The following PHF21B variants were observed in gnomAD, a reference collection of about 807,000 sequenced individuals.
PHF21B encodes PHD finger protein 4.
Under a neutral mutation model 62.2 loss-of-function variants are expected in PHF21B, and 22 were observed. The ratio of observed to expected loss-of-function variants is 0.35; its 90% CI spans 0.25 to 0.51. PHF21B has a LOEUF of 0.51. Among genes scored for constraint, PHF21B ranks in the 20% least tolerant of loss-of-function variants. PHF21B has a pLI of 0.97. For missense variants in PHF21B, 701 were observed against 707.9 expected (o/e 0.99, Z 0.11); for synonymous variants, 341 against 314.7 (o/e 1.08, Z -0.88).
At chr22:44,923,681 C>T (rs1413328555) in intron 2 of PHF21B, among the ~76,000 whole-genome samples, 5 of 152,050 alleles carry the variant, frequency 3.3e-5, no homozygotes, top group Non-Finnish European at 5.9e-5. Context: ...AAACAAACAA[C>T]TCATTAAAAT....
chr22:44,985,677 T>C (rs1381551243), intron 2 of PHF21B, among the ~76,000 whole-genome samples: 1 of 152,058 alleles, frequency 6.6e-6, no homozygotes, highest in African/African-American at 2.4e-5. Context: ...ATATGGGAGA[T>C]AATATTTCCT....
chr22:44,891,925 C>T (rs951507885), intron 7 of PHF21B, among the ~76,000 whole-genome samples: 2 of 151,982 alleles, frequency 1.3e-5, no homozygotes, highest in South Asian at 2.1e-4. Flanking sequence ...TGTAATACTG[C>T]GTGGCCAGAT....
chr22:44,895,967 C>T (rs548845008), intron 6 of PHF21B, 65 bp downstream of exon 6: 360 of 1,573,856 alleles, frequency 2.3e-4, no homozygotes, highest in Non-Finnish European at 2.8e-4. Flanking sequence ...TCACACCTGG[C>T]CCCCAACACC....
intron 2 of PHF21B, among the ~76,000 whole-genome samples, chr22:44,931,012 C>A (rs1036712808): frequency 6.6e-6 from 1 of 152,236 alleles, no homozygotes; most frequent in African/African-American, 2.4e-5. Flanking sequence ...AATGCTGGAA[C>A]CCTCTTCCAA....
chr22:44,940,199 G>T (rs1220551446), intron 2 of PHF21B, among the ~76,000 whole-genome samples: 1 of 152,168 alleles, frequency 6.6e-6, no homozygotes, highest in Non-Finnish European at 1.5e-5. Context: ...CCTCCTCTTG[G>T]CAAGAGGGCC....
intron 2 of PHF21B, among the ~76,000 whole-genome samples, chr22:44,958,150 A>T (rs911771599): frequency 6.6e-6 from 1 of 152,066 alleles, no homozygotes; most frequent in Non-Finnish European, 1.5e-5. Context: ...TGATCTGCCC[A>T]CCTTGGCCTC....
intron 5 of PHF21B, among the ~76,000 whole-genome samples, chr22:44,903,960 T>G (rs944213348): frequency 2.0e-5 from 3 of 152,238 alleles, no homozygotes; most frequent in Non-Finnish European, 4.4e-5. Context: ...TTATTTGGAC[T>G]TATTTCCTCT....
At position 44,884,792 on chromosome 22, in the gene PHF21B, G is replaced by A. The variant is rs966551152; in HGVS notation, c.1377+634C>T. ...CCATCACCATCACCACCACCATTAC[G>A]ACCAACACCATATCATCATCACCAT... On this transcript the variant is annotated intron_variant, in intron 12 of 12. Transcript: ENST00000313237. Among the ~76,000 whole-genome samples the A allele has an allele frequency of 2.7e-5, 4 of 147,100 alleles. No homozygotes were observed. In the East Asian group the frequency reaches 6.2e-4, roughly 23 times the overall value.
chr22:44,964,393 C>G (rs1040748540), intron 2 of PHF21B, among the ~76,000 whole-genome samples: 1 of 152,190 alleles, frequency 6.6e-6, no homozygotes, highest in Non-Finnish European at 1.5e-5. Context: ...CTCTCGCACC[C>G]CTGAACCTGG....
intron 2 of PHF21B, among the ~76,000 whole-genome samples, chr22:44,977,938 C>T (rs1424539192): frequency 6.6e-6 from 1 of 152,104 alleles, no homozygotes; most frequent in African/African-American, 2.4e-5. Context: ...TCTTCTGCAA[C>T]TTTTTGAAGA....
intron 3 of PHF21B, among the ~76,000 whole-genome samples, chr22:44,918,991 C>A (rs1208319491): frequency 6.6e-6 from 1 of 152,190 alleles, no homozygotes; most frequent in Non-Finnish European, 1.5e-5. Flanking sequence ...TCCCTCAGTG[C>A]TTTGACTCTG....
rs560625073 is a variant in PHF21B at position 44,895,913 on chromosome 22, G to A, written c.883+119C>T. Reference sequence around the variant, plus strand: ...ACCCACTGCAGCAGTGTGAGGCCACGCTCCACCCATATCGGCTGCTGCTGA... The same window carrying A: ...ACCCACTGCAGCAGTGTGAGGCCACACTCCACCCATATCGGCTGCTGCTGA... On this transcript the variant is annotated intron_variant, in intron 6 of 12. Transcript: ENST00000313237. 8.2e-6 allele frequency: 9 copies of A among 1,091,590 alleles called. No individual in the cohort carries two copies. In the East Asian group the frequency reaches 1.2e-4, roughly 14 times the overall value. 67.6% of individuals were successfully genotyped at this position (1,091,590 alleles called of 1,614,324 possible). A position where few individuals can be genotyped will look rare whatever the true frequency, so the allele number is the denominator to read the frequency against.
At chr22:44,933,060 G>A (rs2071772743) in intron 2 of PHF21B, among the ~76,000 whole-genome samples, 1 of 152,146 alleles carries the variant, frequency 6.6e-6, no homozygotes, top group South Asian at 2.1e-4. Flanking sequence ...ACTTCTGGTT[G>A]GATTGGCAAA....
chr22:44,999,777 G>A (rs555118784), intron 2 of PHF21B, among the ~76,000 whole-genome samples: 3 of 152,114 alleles, frequency 2.0e-5, no homozygotes, highest in African/African-American at 7.2e-5. Flanking sequence ...CACCAGGGGT[G>A]TGATCTCAAC....
In PHF21B at chr22:45,009,982, T is replaced by G. The variant is rs1479573421; in HGVS notation, c.-433A>C. ...CGTTGGGCCTCGGCAAAGTTGTGCC[T>G]CGGCACGATGCTAATTCGGCAGTGC... On this transcript the variant is annotated 5_prime_UTR_variant, in exon 1 of 13. Coordinates refer to ENST00000313237, the MANE Select transcript of PHF21B (RefSeq NM_138415.5). This position sits in a 1 kb window ranked among gnomAD's most constrained non-coding sequence, Gnocchi z 5.9. 2.7e-5 allele frequency: 4 copies of G among 145,540 alleles called. No homozygotes were observed. The South Asian group carries it at 5.7e-4, about 21-fold the overall frequency. 9.0% of individuals were successfully genotyped at this position (145,540 alleles called of 1,614,324 possible).
intron 2 of PHF21B, among the ~76,000 whole-genome samples, chr22:44,925,930 A>G (rs1252964006): frequency 7.6e-5 from 10 of 131,690 alleles, no homozygotes; most frequent in African/African-American, 2.4e-4. Flanking sequence ...GCCAGCCCAG[A>G]CTGTGGGGGC....
At chr22:44,932,131 C>T (rs2071754295) in intron 2 of PHF21B, among the ~76,000 whole-genome samples, 1 of 152,242 alleles carries the variant, frequency 6.6e-6, no homozygotes, top group African/African-American at 2.4e-5. Flanking sequence ...ACTGGGAAGA[C>T]CCGGAGGTTA....
In PHF21B at chr22:44,883,798, G is replaced by A. The variant is rs200397147; in HGVS notation, c.1378-494C>T. ...CTGCTCTGGGTGAAATACTGCTTGG[G>A]CAAATAACAACCTCCCCGAGATGGT... On this transcript the variant is annotated intron_variant, in intron 12 of 12. Coordinates refer to ENST00000313237, the MANE Select transcript of PHF21B (RefSeq NM_138415.5). Among the ~76,000 whole-genome samples, 619 of 134,028 alleles carry A rather than the reference G, an allele frequency of 4.6e-3. 7 individuals carry two copies. The highest frequency in any genetic ancestry group is 0.044 in the East Asian group (220 of 4,952). The allele number at this position is 134,028 out of a possible 152,430, so 87.9% of individuals were successfully genotyped here.
intron 2 of PHF21B, among the ~76,000 whole-genome samples, chr22:44,936,956 T>C (rs1402830151): frequency 6.8e-6 from 1 of 146,178 alleles, no homozygotes; most frequent in Non-Finnish European, 1.5e-5. Flanking sequence ...TACTGCAACC[T>C]CCACCTCCCG....
Sources: gnomAD v4.1 joint callset for allele counts (sites outside exome capture counted in the v4.1 genomes callset) on GRCh38, gnomAD v4.1.1 for gene constraint, Gnocchi (gnomAD v3.1) non-coding constraint, MANE v1.5 for transcripts, NCBI Gene and HGNC (gene_info 2026-07-23, HGNC 2026-07-21) for gene names.